CECR2: variants seen among roughly 807,000 people sequenced by gnomAD.
The protein encoded by CECR2 is CECR2 histone acetyl-lysine reader, also known as chromatin remodeling regulator CECR2.
A neutral mutation model predicts 154.5 loss-of-function variants in CECR2; 30 were observed. The ratio of observed to expected loss-of-function variants is 0.19; its 90% CI spans 0.15 to 0.26. CECR2 has a LOEUF of 0.26. CECR2 is among the 10% of genes least tolerant of loss of function. CECR2 has a pLI of 1.00. For missense variants in CECR2, 1,743 were observed against 1,829.3 expected (o/e 0.95, Z 0.86); for synonymous variants, 725 against 683.7 (o/e 1.06, Z -0.94).
chr22:17,503,837 G>A (rs999494189), intron 6 of CECR2, among the ~76,000 whole-genome samples: 15 of 149,944 alleles, frequency 1.0e-4, no homozygotes, highest in African/African-American at 2.7e-4. Flanking sequence ...ACTTGAGGTC[G>A]GGAGTTCGAG....
At chr22:17,467,058 G>T (rs2055045041) in intron 1 of CECR2, among the ~76,000 whole-genome samples, 1 of 152,186 alleles carries the variant, frequency 6.6e-6, no homozygotes, top group Non-Finnish European at 1.5e-5. Context: ...ATCAGCTGTT[G>T]ACTCTGCGCT....
intron 9 of CECR2, 24 bp downstream of exon 9, chr22:17,524,295 T>C (rs770353990): frequency 5.6e-6 from 9 of 1,599,690 alleles, no homozygotes; most frequent in African/African-American, 1.3e-5. Context: ...CCGCGTGGTC[T>C]GGAGAGGTGC....
In CECR2 at chr22:17,500,753, G is replaced by A. The variant is rs1206061498; in HGVS notation, c.650+18G>A. 1 of 1,508,518 alleles carries A rather than the reference G, an allele frequency of 6.6e-7. No homozygotes were observed. The highest frequency in any genetic ancestry group is 9.0e-7 in the Non-Finnish European group (1 of 1,111,856). 93.4% of individuals were successfully genotyped at this position (1,508,518 alleles called of 1,614,324 possible). A position where few individuals can be genotyped will look rare whatever the true frequency, so the allele number is the denominator to read the frequency against. Reference sequence around the variant, plus strand: ...CTGTTGAGGTAAGAAAATCTTGTTAGTTGTGGTCATAGACCATGGCAGAAG... The same window carrying A: ...CTGTTGAGGTAAGAAAATCTTGTTAATTGTGGTCATAGACCATGGCAGAAG... On this transcript the variant is annotated intron_variant, in intron 5 of 18. Coordinates refer to ENST00000262608, the MANE Select transcript of CECR2 (RefSeq NM_001290047.2).
chr22:17,382,957 G>A (rs1353018462), intron 1 of CECR2, among the ~76,000 whole-genome samples: 1 of 152,146 alleles, frequency 6.6e-6, no homozygotes, highest in African/African-American at 2.4e-5. Context: ...GCCAGGCGCG[G>A]TGGCTCACGC....
At chr22:17,540,922 T>C in intron 14 of CECR2, 122 bp downstream of exon 14, 1 of 1,068,328 alleles carries the variant, frequency 9.4e-7, no homozygotes, top group Non-Finnish European at 1.3e-6. Flanking sequence ...TCTTTTTCCC[T>C]GTGAGTCCTT....
At chr22:17,421,795 A>G (rs990390324) in intron 1 of CECR2, among the ~76,000 whole-genome samples, 3 of 150,914 alleles carry the variant, frequency 2.0e-5, no homozygotes, top group African/African-American at 4.9e-5. Flanking sequence ...TCCGTCTTGC[A>G]CTGGGTGTTC....
Position 17,553,263 on chromosome 22 carries a change from A to G in CECR2, c.*423A>G, listed in dbSNP as rs1436565160. The G allele has an allele frequency of 6.7e-6, 1 of 148,856 alleles. No individual in the cohort carries two copies. Among genetic ancestry groups the G allele is most frequent in the Non-Finnish European group, 1.5e-5 (1 of 68,646 alleles). The allele number at this position is 148,856 out of a possible 1,614,324, so 9.2% of individuals were successfully genotyped here. On this transcript the variant is annotated 3_prime_UTR_variant, in exon 19 of 19. Transcript: ENST00000262608. ...GGGGAAGGGACTACTCTTAGTATTA[A>G]TGGTTTTGGAGCTGGGTCCAGTTTA...
intron 1 of CECR2, among the ~76,000 whole-genome samples, chr22:17,470,404 A>G (rs1238594768): frequency 6.6e-6 from 1 of 151,612 alleles, no homozygotes; most frequent in Non-Finnish European, 1.5e-5. Flanking sequence ...AAAAAAAAAA[A>G]AAAAGAAAAA....
rs186559163 is a variant in CECR2 at position 17,408,323 on chromosome 22, A to C, written c.126+38414A>C. Among the ~76,000 whole-genome samples, 518 of 152,016 alleles carry C rather than the reference A, an allele frequency of 3.4e-3. 1 individual carries two copies. Among genetic ancestry groups the C allele is most frequent in the Non-Finnish European group, 6.1e-3 (415 of 67,990 alleles). Reference sequence around the variant, plus strand: ...AAAGAACCCTGGTCAGGAAGTCAGGAGAGTGGACTTCACATCCCAACGTCT... The same window carrying C: ...AAAGAACCCTGGTCAGGAAGTCAGGCGAGTGGACTTCACATCCCAACGTCT... On this transcript the variant is annotated intron_variant, in intron 1 of 18. Transcript: ENST00000262608.
chr22:17,412,397 C>T (rs371676957), intron 1 of CECR2, among the ~76,000 whole-genome samples: 23 of 152,246 alleles, frequency 1.5e-4, no homozygotes, highest in Admixed American at 3.9e-4. Flanking sequence ...GTTCATTCCC[C>T]GCCCCACCCC....
chr22:17,447,721 A>G (rs2054697927), intron 1 of CECR2, among the ~76,000 whole-genome samples: 1 of 152,012 alleles, frequency 6.6e-6, no homozygotes, highest in Non-Finnish European at 1.5e-5. Context: ...AGGATCTAAA[A>G]AGTTCTCCGT....
intron 1 of CECR2, among the ~76,000 whole-genome samples, chr22:17,436,990 G>A (rs2054515824): frequency 6.6e-6 from 1 of 152,206 alleles, no homozygotes; most frequent in Admixed American, 6.5e-5. Context: ...TGAGGCTGGA[G>A]AATGGGTTGT....
At chr22:17,399,832 T>G (rs1160181220) in intron 1 of CECR2, among the ~76,000 whole-genome samples, 1 of 152,234 alleles carries the variant, frequency 6.6e-6, no homozygotes, top group Non-Finnish European at 1.5e-5. Flanking sequence ...TTTCCCAACT[T>G]TCAGTATTTG....
intron 1 of CECR2, among the ~76,000 whole-genome samples, chr22:17,418,339 C>G (rs1010678622): frequency 6.6e-6 from 1 of 152,162 alleles, no homozygotes; most frequent in African/African-American, 2.4e-5. Flanking sequence ...TGTGCATCCT[C>G]AAGCCTATGT....
In CECR2 at chr22:17,456,610, T is replaced by A. The variant is rs961861748; in HGVS notation, c.127-20978T>A. 2.0e-5 allele frequency among the ~76,000 whole-genome samples: 3 copies of A among 152,342 alleles called. No individual in the cohort carries two copies. In the South Asian group the frequency reaches 6.2e-4, roughly 32 times the overall value. On this transcript the variant is annotated intron_variant, in intron 1 of 18. Transcript: ENST00000262608. ...GATATTGTACATCACAAAGTATAAT[T>A]GAGAAATTCCTGTTTTCCTCAGAAA...
In CECR2 at chr22:17,481,049, T is replaced by TAAAAAAAAAAAAAAAAA. The variant is rs572712907; in HGVS notation, c.221+3379_221+3380insAAAAAAAAAAAAAAAAA. Among the ~76,000 whole-genome samples, 43 of 92,062 alleles carry TAAAAAAAAAAAAAAAAA rather than the reference T, an allele frequency of 4.7e-4. 1 individual carries two copies. The highest frequency in any genetic ancestry group is 1.2e-3 in the African/African-American group (32 of 27,420). 60.4% of individuals were successfully genotyped at this position (92,062 alleles called of 152,430 possible). A position where few individuals can be genotyped will look rare whatever the true frequency, so the allele number is the denominator to read the frequency against. On this transcript the variant is annotated intron_variant, in intron 2 of 18. Coordinates refer to ENST00000262608, the MANE Select transcript of CECR2 (RefSeq NM_001290047.2). ...AGTGAGACTCCATCTCTTTTTTTTT[T>TAAAAAAAAAAAAAAAAA]AAAAAAAAAAAAGGCCGGGCACGGT...
chr22:17,515,677 C>CT (rs35782642), intron 8 of CECR2, among the ~76,000 whole-genome samples: 9,588 of 140,480 alleles, frequency 0.068, 362 homozygotes, highest in Middle Eastern at 0.074. Context: ...CACTACCAAC[C>CT]TTTTTTTTTT....
intron 1 of CECR2, among the ~76,000 whole-genome samples, chr22:17,422,157 T>C (rs1283542062): frequency 1.3e-5 from 2 of 152,172 alleles, no homozygotes; most frequent in East Asian, 3.9e-4. Context: ...ATGTGTATTT[T>C]TCTGTAGTTT....
intron 14 of CECR2, 137 bp from the exon 15 acceptor site, chr22:17,541,702 A>C: frequency 9.7e-7 from 1 of 1,030,884 alleles, no homozygotes; most frequent in Non-Finnish European, 1.4e-6. Context: ...GTGTGTTCAC[A>C]GTCTCCCTGT....
Sources: allele counts gnomAD v4.1 joint callset (sites outside exome capture counted in the v4.1 genomes callset), GRCh38; gene constraint gnomAD v4.1.1; transcripts MANE v1.5; gene names NCBI Gene and HGNC (gene_info 2026-07-23, HGNC 2026-07-21).